Variants in ANK2 observed in about 807,000 individuals in gnomAD.
The protein encoded by ANK2 is ankyrin-2.
In ANK2, 83 loss-of-function variants were observed where a neutral mutation model predicts 360.5. That is an observed-to-expected ratio of 0.23 (90% CI 0.19 to 0.28). The LOEUF (loss-of-function observed/expected upper bound fraction) is 0.28, where lower values mean the gene tolerates loss of function less well. Ranked by LOEUF, ANK2 falls within the 10% of genes least tolerant of loss-of-function variation. ANK2 has a pLI of 1.00. For missense variants in ANK2, 4,201 were observed against 4,795.7 expected (o/e 0.88, Z 3.66); for synonymous variants, 1,740 against 1,759.5 (o/e 0.99, Z 0.28).
At chr4:113,279,923 A>G (rs1015933304) in intron 17 of ANK2, among the ~76,000 whole-genome samples, 4 of 152,106 alleles carry the variant, frequency 2.6e-5, no homozygotes, top group African/African-American at 9.7e-5. Context: ...ACACTAGATT[A>G]TAAGCTACTA....
rs2095677514 is a variant in ANK2, at chr4:113,355,263, T to C, written c.6645T>C (p.Cys2215=). 3 of 1,613,898 alleles carry C rather than the reference T, an allele frequency of 1.9e-6. No individual in the cohort carries two copies. In the African/African-American group the frequency reaches 4.0e-5, roughly 22 times the overall value. Residue 2215 remains cysteine (C), a synonymous_variant, in exon 38 of 46, where the codon TGT becomes TGC. Coordinates refer to ENST00000357077, the MANE Select transcript of ANK2 (RefSeq NM_001148.6). The stretch of plus-strand genomic sequence containing the variant: ...ATGAGGGGGTAGCCGGCTCTCCGTG[T>C]GGCAGCCTGATGGAGGGGACCCCTC... ...LKNEGVAGSP[C]GSLMEGTPQI... is the part of the protein sequence containing the mutation.
chr4:113,348,077 A>C, intron 35 of ANK2, 199 bp from the exon 36 acceptor site: 1 of 598,490 alleles, frequency 1.7e-6, no homozygotes. Flanking sequence ...TTGAATCTAT[A>C]AACTTTGTAC....
At chr4:113,027,464 C>G (rs2154301503) in intron 2 of ANK2, among the ~76,000 whole-genome samples, 1 of 152,200 alleles carries the variant, frequency 6.6e-6, no homozygotes, top group South Asian at 2.1e-4. Context: ...TGTTCAGAAC[C>G]TGATCTCTGC....
At chr4:113,198,941 T>C (rs2098790668) in intron 3 of ANK2, 70 bp from the exon 4 acceptor site, 1 of 1,266,646 alleles carries the variant, frequency 7.9e-7, no homozygotes, top group South Asian at 1.2e-5. Flanking sequence ...AGTTGAAAAA[T>C]GCCTGCACAT....
chr4:112,865,578 G>A (rs1487090357), intron 1 of ANK2, among the ~76,000 whole-genome samples: 3 of 152,138 alleles, frequency 2.0e-5, no homozygotes, highest in Non-Finnish European at 2.9e-5. Context: ...AACAGTTAGG[G>A]AAAACAACAT....
chr4:112,882,713 T>TAA (rs548539349), intron 1 of ANK2, among the ~76,000 whole-genome samples: 45 of 148,680 alleles, frequency 3.0e-4, no homozygotes, highest in Non-Finnish European at 3.3e-4. Context: ...TTTTTTTTTT[T>TAA]AAAATGAAGC....
intron 1 of ANK2, among the ~76,000 whole-genome samples, chr4:112,850,200 G>A (rs920648588): frequency 6.6e-6 from 1 of 151,810 alleles, no homozygotes; most frequent in African/African-American, 2.4e-5. Context: ...CATAATGGTG[G>A]GACTTCTCGA....
chr4:113,035,398 G>A (rs2061374370), intron 2 of ANK2, among the ~76,000 whole-genome samples: 1 of 151,894 alleles, frequency 6.6e-6, no homozygotes, highest in African/African-American at 2.4e-5. Context: ...GTAGGTTTTA[G>A]GGAGATGAAA....
the ANK2 span, among the ~76,000 whole-genome samples, chr4:112,775,425 A>G: frequency 0.31 from 47,278 of 151,164 alleles, 7,572 homozygotes; most frequent in East Asian, 0.4. Flanking sequence ...AGGCTGAGAC[A>G]GGAGAATAGC....
chr4:113,193,873 T>A (rs553631603), intron 2 of ANK2, among the ~76,000 whole-genome samples: 1 of 152,346 alleles, frequency 6.6e-6, no homozygotes, highest in Non-Finnish European at 1.5e-5. Flanking sequence ...ATATTTACAT[T>A]TTCATACAAT....
At chr4:112,994,556 G>T (rs1268856233) in intron 2 of ANK2, among the ~76,000 whole-genome samples, 1 of 152,156 alleles carries the variant, frequency 6.6e-6, no homozygotes, top group Non-Finnish European at 1.5e-5. Flanking sequence ...ATCTCCAGTA[G>T]TTTAAAAAAT....
chr4:113,184,906 T>G (rs879378030), intron 2 of ANK2, among the ~76,000 whole-genome samples: 2 of 152,084 alleles, frequency 1.3e-5, no homozygotes, highest in Admixed American at 1.3e-4. Flanking sequence ...TCCCTCCGTG[T>G]GCCCATGTAT....
chr4:113,201,508 T>C (rs2098830079), intron 4 of ANK2, among the ~76,000 whole-genome samples: 1 of 152,224 alleles, frequency 6.6e-6, no homozygotes, highest in Non-Finnish European at 1.5e-5. Flanking sequence ...CATGACTGAA[T>C]CAATAATGTA....
chr4:113,148,379 T>A (rs868139216), intron 1 of ANK2, among the ~76,000 whole-genome samples: 3 of 152,230 alleles, frequency 2.0e-5, no homozygotes, highest in African/African-American at 7.2e-5. Context: ...AGACATTTTT[T>A]AGGTTACCTA....
At chr4:113,305,971 T>C (rs1357177639) in intron 23 of ANK2, among the ~76,000 whole-genome samples, 1 of 152,220 alleles carries the variant, frequency 6.6e-6, no homozygotes, top group Non-Finnish European at 1.5e-5. Context: ...CATTGAGATG[T>C]CCTTACATTG....
chr4:113,239,916 C>T (rs1338383020), intron 7 of ANK2, among the ~76,000 whole-genome samples: 2 of 152,068 alleles, frequency 1.3e-5, no homozygotes, highest in Non-Finnish European at 2.9e-5. Context: ...ACAACATAAT[C>T]GTGCTACACA....
chr4:113,056,292 A>G (rs1476542814), intron 1 of ANK2, among the ~76,000 whole-genome samples: 2 of 152,166 alleles, frequency 1.3e-5, no homozygotes, highest in Non-Finnish European at 2.9e-5. Context: ...TTGTTCTATT[A>G]AAAGTTCTTT....
At chr4:113,298,899 T>A (rs1387362181) in intron 22 of ANK2, among the ~76,000 whole-genome samples, 2 of 152,226 alleles carry the variant, frequency 1.3e-5, no homozygotes, top group Non-Finnish European at 2.9e-5. Flanking sequence ...TGTATTCATT[T>A]CTTGTTACAT....
intron 1 of ANK2, among the ~76,000 whole-genome samples, chr4:113,162,127 A>G (rs1280402684): frequency 6.6e-6 from 1 of 152,158 alleles, no homozygotes; most frequent in Non-Finnish European, 1.5e-5. Context: ...GTCACTTATT[A>G]CACGCAAAAG....
Sources: gnomAD v4.1 joint callset for allele counts (sites outside exome capture counted in the v4.1 genomes callset) on GRCh38, gnomAD v4.1.1 for gene constraint, MANE v1.5 for transcripts, NCBI Gene and HGNC (gene_info 2026-07-23, HGNC 2026-07-21) for gene names.